Variants in MACROD2 observed in about 807,000 individuals in gnomAD.
The protein encoded by MACROD2 is ADP-ribose glycohydrolase MACROD2.
Under a neutral mutation model 70.4 loss-of-function variants are expected in MACROD2, and 36 were observed. The observed-to-expected ratio is 0.51, with a 90% CI of 0.39 to 0.68. The LOEUF is 0.68. Ranked by LOEUF, MACROD2 falls within the 30% of genes least tolerant of loss-of-function variation. The probability of loss-of-function intolerance (pLI) is 0.00; values close to 1 mark genes in which losing one functional copy is unlikely to be tolerated. For missense variants in MACROD2, 496 were observed against 538.4 expected, an observed-to-expected ratio of 0.92 and a Z score of 0.78; for synonymous variants, 172 against 178.8, an observed-to-expected ratio of 0.96 and a Z score of 0.30.
intron 13 of MACROD2, chr20:15,985,667 A>ACAGGGCCCT (rs2066470509): frequency 3.3e-5 from 5 of 152,540 alleles, no homozygotes; most frequent in African/African-American, 1.2e-4. Context: ...GGCTGGCCGG[A>ACAGGGCCCT]GTCCCCCGCA....
intron 8 of MACROD2, among the ~76,000 whole-genome samples, chr20:15,822,645 T>C (rs1389587301): frequency 6.6e-6 from 1 of 151,692 alleles, no homozygotes; most frequent in Non-Finnish European, 1.5e-5. Context: ...ATAACTTTAA[T>C]TTCACTAAAT....
chr20:13,997,601 A>T (rs1488024418), intron 1 of MACROD2, among the ~76,000 whole-genome samples: 1 of 152,200 alleles, frequency 6.6e-6, no homozygotes, highest in African/African-American at 2.4e-5. Flanking sequence ...TGTGACCAGC[A>T]GGCATTTTAG....
chr20:14,813,694 C>T (rs1568811089), intron 5 of MACROD2, among the ~76,000 whole-genome samples: 1 of 152,012 alleles, frequency 6.6e-6, no homozygotes, highest in Non-Finnish European at 1.5e-5. Flanking sequence ...CCTGAGTGTG[C>T]CACTCTCCAT....
intron 3 of MACROD2, chr20:14,325,368 C>T (rs1162400186): frequency 7.8e-6 from 4 of 510,864 alleles, no homozygotes; most frequent in East Asian, 6.4e-5. Context: ...CTACATCAAT[C>T]GCAGCAGTAA....
intron 3 of MACROD2, among the ~76,000 whole-genome samples, chr20:14,238,644 A>G (rs918274625): frequency 2.0e-5 from 3 of 152,180 alleles, no homozygotes; most frequent in Non-Finnish European, 4.4e-5. Context: ...ATATCATTCT[A>G]TTCCTGGAAA....
intron 3 of MACROD2, among the ~76,000 whole-genome samples, chr20:14,365,429 A>G (rs1033266131): frequency 2.6e-5 from 4 of 151,474 alleles, no homozygotes; most frequent in Non-Finnish European, 2.9e-5. Flanking sequence ...TTCATGTATA[A>G]TAGTGTTTAT....
At chr20:15,082,268 C>G (rs1036902240) in intron 5 of MACROD2, among the ~76,000 whole-genome samples, 1 of 152,122 alleles carries the variant, frequency 6.6e-6, no homozygotes, top group African/African-American at 2.4e-5. Context: ...GTCTGAATCT[C>G]CCCCTCAATA....
At chr20:14,682,242 T>A (rs1332307073) in intron 4 of MACROD2, among the ~76,000 whole-genome samples, 1 of 152,130 alleles carries the variant, frequency 6.6e-6, no homozygotes, top group African/African-American at 2.4e-5. Flanking sequence ...ATTACCTCTT[T>A]GCCAAGAAAA....
intron 2 of MACROD2, among the ~76,000 whole-genome samples, chr20:14,004,354 G>A (rs532785089): frequency 1.3e-5 from 2 of 152,234 alleles, no homozygotes; most frequent in East Asian, 3.9e-4. Flanking sequence ...ACTGCTCTGT[G>A]TGTTTCTTAT....
At chr20:15,629,885 A>C (rs919788314) in intron 8 of MACROD2, among the ~76,000 whole-genome samples, 6 of 152,240 alleles carry the variant, frequency 3.9e-5, no homozygotes, top group Admixed American at 6.5e-5. Context: ...CGATGTCTAC[A>C]CAGGACTCAG....
intron 8 of MACROD2, among the ~76,000 whole-genome samples, chr20:15,687,762 T>G (rs1185316588): frequency 1.3e-5 from 2 of 152,128 alleles, no homozygotes; most frequent in Non-Finnish European, 2.9e-5. Flanking sequence ...TCCCGCCACA[T>G]GCAACATTTG....
chr20:15,951,352 A>C lies in MACROD2; in HGVS notation c.907+13808A>C, dbSNP rs371078382. Among the ~76,000 whole-genome samples, 141 of 91,850 alleles carry C rather than the reference A, an allele frequency of 1.5e-3. 1 individual carries two copies. Among genetic ancestry groups the C allele is most frequent in the Non-Finnish European group, 2.4e-3 (94 of 38,566 alleles). 60.3% of individuals were successfully genotyped at this position (91,850 alleles called of 152,430 possible). Reference sequence around the variant, plus strand: ...ACACACACACACACACACACACACAAAGAGAGAGAGAGAGAGAAAGAGCAC... The same window carrying C: ...ACACACACACACACACACACACACACAGAGAGAGAGAGAGAGAAAGAGCAC... On this transcript the variant is annotated intron_variant, in intron 12 of 17. Coordinates refer to ENST00000684519, the MANE Select transcript of MACROD2 (RefSeq NM_001351661.2).
chr20:14,711,035 T>C (rs1275438586), intron 5 of MACROD2, among the ~76,000 whole-genome samples: 1 of 152,152 alleles, frequency 6.6e-6, no homozygotes, highest in Admixed American at 6.5e-5. Context: ...GAGTTAAAAT[T>C]GAGAGAGAAC....
intron 4 of MACROD2, among the ~76,000 whole-genome samples, chr20:14,545,786 A>G (rs2085485227): frequency 6.6e-6 from 1 of 152,202 alleles, no homozygotes; most frequent in African/African-American, 2.4e-5. Flanking sequence ...ATGTCAGGTA[A>G]CTATTATCTC....
chr20:15,415,378 T>G (rs951956581), intron 6 of MACROD2, among the ~76,000 whole-genome samples: 1 of 152,222 alleles, frequency 6.6e-6, no homozygotes, highest in Non-Finnish European at 1.5e-5. Flanking sequence ...TCAATTACAT[T>G]AAGTGATGTT....
At chr20:15,825,569 G>T (rs2063988826) in intron 8 of MACROD2, among the ~76,000 whole-genome samples, 1 of 151,912 alleles carries the variant, frequency 6.6e-6, no homozygotes, top group South Asian at 2.1e-4. Context: ...CCCAATCTTG[G>T]CTCACTGCAA....
intron 6 of MACROD2, among the ~76,000 whole-genome samples, chr20:15,297,465 G>A (rs889575075): frequency 1.2e-4 from 18 of 152,164 alleles, no homozygotes; most frequent in African/African-American, 4.3e-4. Flanking sequence ...TACTAGCAAA[G>A]AGGGCCATAC....
intron 5 of MACROD2, among the ~76,000 whole-genome samples, chr20:15,078,201 G>C (rs1323736374): frequency 6.6e-6 from 1 of 152,064 alleles, no homozygotes; most frequent in Non-Finnish European, 1.5e-5. Flanking sequence ...TTGCCAGCTG[G>C]AAAAAAAGTT....
intron 5 of MACROD2, among the ~76,000 whole-genome samples, chr20:15,051,590 A>G (rs1282793039): frequency 6.6e-6 from 1 of 152,132 alleles, no homozygotes; most frequent in Non-Finnish European, 1.5e-5. Context: ...AGGCCCACTC[A>G]GATCATCAAG....
Sources: gnomAD v4.1 joint callset for allele counts (sites outside exome capture counted in the v4.1 genomes callset) on GRCh38, gnomAD v4.1.1 for gene constraint, MANE v1.5 for transcripts, NCBI Gene and HGNC (gene_info 2026-07-23, HGNC 2026-07-21) for gene names.